TCF7L2: variants seen among roughly 807,000 people sequenced by gnomAD.
TCF7L2 encodes the protein transcription factor 7 like 2.
Under a neutral mutation model 77.9 loss-of-function variants are expected in TCF7L2, and 23 were observed. The observed-to-expected ratio is 0.30, with a 90% confidence interval of 0.21 to 0.42. The LOEUF (loss-of-function observed/expected upper bound fraction) is 0.42, where lower values mean the gene tolerates loss of function less well. Ranked by LOEUF, TCF7L2 falls within the 10% of genes least tolerant of loss-of-function variation. The pLI is 1.00. For synonymous variants in TCF7L2, 413 were observed against 340.2 expected (o/e 1.21, Z -2.36); for missense variants, 654 against 793.1 (o/e 0.82, Z 2.11).
intron 1 of TCF7L2, 85 bp from the exon 2 acceptor site, chr10:112,951,122 A>T: frequency 3.9e-6 from 4 of 1,023,614 alleles, no homozygotes; most frequent in Non-Finnish European, 5.6e-6. Context: ...CCCCCCCTCG[A>T]CCTCGCCGAT....
In TCF7L2 at chr10:113,029,267, C is replaced by T. The variant is rs2049769595; in HGVS notation, c.451-10758C>T. On this transcript the variant is annotated intron_variant, in intron 4 of 13. Transcript: ENST00000627217. ...CACATGCCTTGAAACAGTCCTCTTT[C>T]CCATGTTTCTTCATCAGCACCATTA... Among the ~76,000 whole-genome samples, 3 of 152,094 alleles carry T rather than the reference C, an allele frequency of 2.0e-5. No individual in the cohort carries two copies. The South Asian group carries it at 6.2e-4, about 32-fold the overall frequency.
chr10:113,096,065 G>T (rs2060933951), intron 5 of TCF7L2, among the ~76,000 whole-genome samples: 1 of 152,110 alleles, frequency 6.6e-6, no homozygotes, highest in Non-Finnish European at 1.5e-5. Context: ...AGTTTTTAAT[G>T]GGCTAGTCTG....
intron 5 of TCF7L2, among the ~76,000 whole-genome samples, chr10:113,117,652 C>A (rs930233181): frequency 6.6e-6 from 1 of 152,178 alleles, no homozygotes; most frequent in South Asian, 2.1e-4. Context: ...CTTTGTGGTG[C>A]GCGCTTAGTC....
intron 8 of TCF7L2, among the ~76,000 whole-genome samples, chr10:113,149,968 A>G (rs1469592527): frequency 6.6e-6 from 1 of 152,198 alleles, no homozygotes; most frequent in Non-Finnish European, 1.5e-5. Context: ...TCATGGTGAC[A>G]CCACGCAAAA....
chr10:113,067,555 T>C (rs1300712870), intron 5 of TCF7L2, among the ~76,000 whole-genome samples: 3 of 152,212 alleles, frequency 2.0e-5, no homozygotes, highest in Non-Finnish European at 2.9e-5. Context: ...AGTGAATCTT[T>C]CTGTTAGATT....
intron 4 of TCF7L2, among the ~76,000 whole-genome samples, chr10:113,025,383 C>T (rs371912091): frequency 2.0e-5 from 3 of 151,996 alleles, no homozygotes; most frequent in Non-Finnish European, 4.4e-5. Context: ...GGATTATAGG[C>T]GTGTGCCACC....
intron 5 of TCF7L2, among the ~76,000 whole-genome samples, chr10:113,105,850 C>T (rs550240991): frequency 3.9e-5 from 6 of 152,304 alleles, no homozygotes; most frequent in African/African-American, 9.6e-5. Flanking sequence ...ATAGAGCAAA[C>T]GGCCCTTGGG....
chr10:113,142,687 G>A (rs1412900427), intron 6 of TCF7L2, among the ~76,000 whole-genome samples: 6 of 152,198 alleles, frequency 3.9e-5, no homozygotes, highest in South Asian at 4.1e-4. Context: ...TGAGCCTGGC[G>A]CTTGGATGCC....
chr10:113,004,591 G>A (rs2045158260), intron 4 of TCF7L2, among the ~76,000 whole-genome samples: 1 of 152,148 alleles, frequency 6.6e-6, no homozygotes, highest in South Asian at 2.1e-4. Flanking sequence ...TCCCAGTTGT[G>A]ACTCAATCTT....
intron 4 of TCF7L2, chr10:112,987,901 T>A (rs2041857790): frequency 6.8e-6 from 1 of 147,880 alleles, no homozygotes; most frequent in Admixed American, 6.8e-5. Flanking sequence ...AATAAATAAA[T>A]AAATAAAAAT....
At chr10:112,993,124 A>G (rs1027787148) in intron 4 of TCF7L2, among the ~76,000 whole-genome samples, 4 of 152,090 alleles carry the variant, frequency 2.6e-5, no homozygotes, top group African/African-American at 9.7e-5. Context: ...AACTTTCTCA[A>G]AACTGAGATT....
chr10:113,110,108 T>G (rs562858783), intron 5 of TCF7L2, among the ~76,000 whole-genome samples: 1 of 152,340 alleles, frequency 6.6e-6, no homozygotes, highest in South Asian at 2.1e-4. Flanking sequence ...ATGATAATTC[T>G]TGACTTCTTC....
intron 4 of TCF7L2, among the ~76,000 whole-genome samples, chr10:112,978,540 A>G (rs891859684): frequency 6.0e-5 from 9 of 150,732 alleles, no homozygotes; most frequent in Admixed American, 6.0e-4. Context: ...ATCTCGGCTC[A>G]GTGCAAGCTC....
Position 113,090,633 on chromosome 10 carries a change from TAG to T in TCF7L2, c.552+50510_552+50511del, listed in dbSNP as rs555380976. Reference sequence around the variant, plus strand: ...GATAATCTCTCTCTCTTTTTTGAGATAGAGTCTCGCTCTGTTGCCCAGGCCAG... The same window carrying T: ...GATAATCTCTCTCTCTTTTTTGAGATAGTCTCGCTCTGTTGCCCAGGCCAG... On this transcript the variant is annotated intron_variant, in intron 5 of 13. Coordinates refer to ENST00000627217, the MANE Select transcript of TCF7L2 (RefSeq NM_001146274.2). Among the ~76,000 whole-genome samples, 376 of 152,302 alleles carry T rather than the reference TAG, an allele frequency of 2.5e-3. 3 individuals carry two copies. Among genetic ancestry groups the T allele is most frequent in the African/African-American group, 8.7e-3 (361 of 41,570 alleles).
At chr10:113,021,356 C>T (rs887835155) in intron 4 of TCF7L2, among the ~76,000 whole-genome samples, 5 of 152,046 alleles carry the variant, frequency 3.3e-5, no homozygotes, top group Admixed American at 6.5e-5. Flanking sequence ...TTTTTATGTA[C>T]ACCTCCTAGG....
chr10:113,043,931 C>T (rs2052949320), intron 5 of TCF7L2, among the ~76,000 whole-genome samples: 1 of 152,044 alleles, frequency 6.6e-6, no homozygotes, highest in Non-Finnish European at 1.5e-5. Context: ...ATTTAGCCTC[C>T]TTTGTATCCA....
intron 5 of TCF7L2, among the ~76,000 whole-genome samples, chr10:113,059,008 C>G (rs192826931): frequency 3.6e-4 from 55 of 152,238 alleles, no homozygotes; most frequent in African/African-American, 1.3e-3. Flanking sequence ...ATCACTAATG[C>G]AACCGCCCCC....
chr10:113,150,463 C>T (rs1048917683), intron 8 of TCF7L2, among the ~76,000 whole-genome samples: 2 of 152,144 alleles, frequency 1.3e-5, no homozygotes, highest in African/African-American at 4.8e-5. Flanking sequence ...TGATGGGACA[C>T]AGCACAAAAG....
intron 5 of TCF7L2, chr10:113,089,686 T>A (rs1205072574): frequency 9.3e-7 from 1 of 1,074,558 alleles, no homozygotes; most frequent in Non-Finnish European, 1.3e-6. Context: ...GGTGCCATGA[T>A]GTCTGGGTGT....
Sources: allele counts gnomAD v4.1 joint callset (sites outside exome capture counted in the v4.1 genomes callset), GRCh38; gene constraint gnomAD v4.1.1; transcripts MANE v1.5; gene names NCBI Gene and HGNC (gene_info 2026-07-23, HGNC 2026-07-21).